The following WASHC2A variants were observed in gnomAD, a reference collection of about 807,000 sequenced individuals.
The protein encoded by WASHC2A is WASH complex subunit 2A, also known as WASH complex subunit FAM21A.
A neutral mutation model predicts 140.3 loss-of-function variants in WASHC2A; 82 were observed. That is an observed-to-expected ratio of 0.58 (90% CI 0.49 to 0.70). WASHC2A has a LOEUF of 0.70. WASHC2A is among the 30% of genes least tolerant of loss of function. The pLI is 0.00. For synonymous variants in WASHC2A, 340 were observed against 560.8 expected (o/e 0.61, Z 5.56); for missense variants, 985 against 1,521.8 (o/e 0.65, Z 5.87).
rs2132623611 is a variant in WASHC2A at position 50,095,638 on chromosome 10, T to C, written c.1280T>C (p.Met427Thr). Residue 427 changes from methionine to threonine, a missense_variant, in exon 15 of 31, where the codon ATG becomes ACG. Physicochemically the swap from Met to Thr is moderately conservative, Grantham distance 81 (BLOSUM62 -1). Transcript: ENST00000282633. Reference sequence around the variant, plus strand: ...TTTGGTGCTGCCTCCGTTCCATCAATGAAGGAGCCACAGAAGCCTGAGCAG... The same window carrying C: ...TTTGGTGCTGCCTCCGTTCCATCAACGAAGGAGCCACAGAAGCCTGAGCAG... ...DVFGAASVPS[M>T]KEPQKPEQPT... 6.2e-7 allele frequency: 1 copy of C among 1,611,768 alleles called. No individual in the cohort carries two copies. The highest frequency in any genetic ancestry group is 1.1e-5 in the South Asian group (1 of 90,966).
At chr10:50,095,240 A>G (rs1191179822) in intron 14 of WASHC2A, 33 bp downstream of exon 14, 45 of 1,480,192 alleles carry the variant, frequency 3.0e-5, no homozygotes, top group Middle Eastern at 4.8e-4. Flanking sequence ...TCTAAAAACT[A>G]CACAAATACT....
rs1843760259 is a variant in WASHC2A, at chr10:50,129,633, C to T, written c.3302C>T (p.Ala1101Val). ...STEEALAAAA[A>V]PWEGGPVPGV... ...GAGGAGGCCCTGGCAGCTGCCGCTG[C>T]ACCTTGGGAAGGTGGTCCTGTGCCT... The change falls in exon 29 of 31, where the codon GCA becomes GTA. Residue 1101 changes from alanine (A) to valine (V), a missense_variant. By Grantham distance (64) the Ala-to-Val change is moderately conservative. Transcript: ENST00000282633. The T allele has an allele frequency of 1.9e-6, 3 of 1,612,080 alleles. No individual in the cohort carries two copies. The highest frequency in any genetic ancestry group is 1.1e-5 in the South Asian group (1 of 90,998).
chr10:50,104,153 G>A lies in WASHC2A; in HGVS notation c.1737+10G>A. On this transcript the variant is annotated intron_variant, in intron 18 of 30. Transcript: ENST00000282633. The stretch of plus-strand genomic sequence containing the variant: ...TGATGAAGATGAAGAGGTAAACATT[G>A]TTATTGTAACACTAGATAATTTAGA... 2 of 1,511,402 alleles carry A rather than the reference G, an allele frequency of 1.3e-6. No individual in the cohort carries two copies. Among genetic ancestry groups the A allele is most frequent in the Non-Finnish European group, 1.8e-6 (2 of 1,094,584 alleles). The allele number at this position is 1,511,402 out of a possible 1,614,324, so 93.6% of individuals were successfully genotyped here.
intron 17 of WASHC2A, among the ~76,000 whole-genome samples, chr10:50,101,380 C>T (rs1260767981): frequency 6.6e-6 from 1 of 152,312 alleles, no homozygotes; most frequent in Admixed American, 6.5e-5. Flanking sequence ...TGATGAAATA[C>T]ACACAGCAGG....
rs1554889898 is a variant in WASHC2A at position 50,110,193 on chromosome 10, G to T, written c.1962G>T (p.Gln654His). 2 of 1,611,686 alleles carry T rather than the reference G, an allele frequency of 1.2e-6. No individual in the cohort carries two copies. The highest frequency in any genetic ancestry group is 2.7e-5 in the African/African-American group (2 of 74,770). Residue 654 changes from glutamine to histidine, a missense_variant, in exon 20 of 31, where the codon CAG becomes CAT. Transcript: ENST00000282633. ...EPRDSGTLQSQEAKAVKKTSL... is the reference protein window; with the variant it reads ...EPRDSGTLQSHEAKAVKKTSL... The stretch of plus-strand genomic sequence containing the variant: ...GGGATTCTGGGACCCTCCAGAGCCA[G>T]GAGGCCAAGGCTGTGAAAAAGACCA...
intron 3 of WASHC2A, among the ~76,000 whole-genome samples, chr10:50,075,957 C>T (rs1304635149): frequency 6.6e-6 from 1 of 151,582 alleles, no homozygotes; most frequent in Non-Finnish European, 1.5e-5. Flanking sequence ...TCTTGTTGCT[C>T]AGACTGGAGT....
In WASHC2A at chr10:50,126,156, A is replaced by C. The variant is rs782387405; in HGVS notation, c.2788A>C (p.Ile930Leu). Residue 930 changes from isoleucine (I) to leucine (L), a missense_variant, in exon 26 of 31, where the codon ATA becomes CTA. Physicochemically the swap from Ile to Leu is conservative, Grantham distance 5. Coordinates refer to ENST00000282633, the MANE Select transcript of WASHC2A (RefSeq NM_001005751.3). ...ESIQGSKEKG[I>L]WKPETPQDSS... ...CATTCAAGGTAGTAAAGAAAAAGGC[A>C]TATGGAAGCCGGAAACACCTCAGGT... The C allele has an allele frequency of 6.2e-7, 1 of 1,613,556 alleles. No individual in the cohort carries two copies. Among genetic ancestry groups the C allele is most frequent in the Non-Finnish European group, 8.5e-7 (1 of 1,179,744 alleles).
Position 50,068,000 on chromosome 10 carries a change from G to C in WASHC2A, c.-6G>C. The C allele has an allele frequency of 6.2e-7, 1 of 1,606,862 alleles. No individual in the cohort carries two copies. The highest frequency in any genetic ancestry group is 1.1e-5 in the South Asian group (1 of 90,512). On this transcript the variant is annotated 5_prime_UTR_variant, in exon 1 of 31. Coordinates refer to ENST00000282633, the MANE Select transcript of WASHC2A (RefSeq NM_001005751.3). Reference sequence around the variant, plus strand: ...GCTTCGGAGCCCACCGAGCCGGGCGGCTAGGATGGTGAGGGCGCCGGGCAG... The same window carrying C: ...GCTTCGGAGCCCACCGAGCCGGGCGCCTAGGATGGTGAGGGCGCCGGGCAG...
At chr10:50,110,878 G>A (rs1842228520) in intron 20 of WASHC2A, among the ~76,000 whole-genome samples, 1 of 121,188 alleles carries the variant, frequency 8.3e-6, no homozygotes, top group African/African-American at 3.3e-5. Context: ...GGGCAACGGA[G>A]CAAGACTCCA....
intron 9 of WASHC2A, 72 bp from the exon 10 acceptor site, chr10:50,091,359 T>A: frequency 6.6e-7 from 1 of 1,507,552 alleles, no homozygotes; most frequent in Non-Finnish European, 9.0e-7. Flanking sequence ...ATACATAATG[T>A]TGTTAGGTGT....
chr10:50,131,364 C>G (rs1843946811), intron 30 of WASHC2A: 9 of 604,400 alleles, frequency 1.5e-5, no homozygotes, highest in South Asian at 1.5e-4. Flanking sequence ...CTGTGACACA[C>G]CCCGGTGTTA....
intron 25 of WASHC2A, among the ~76,000 whole-genome samples, chr10:50,125,747 G>C (rs1843369776): frequency 6.6e-6 from 1 of 152,114 alleles, no homozygotes; most frequent in Non-Finnish European, 1.5e-5. Flanking sequence ...CATACACTGG[G>C]GTGACTAAAT....
At chr10:50,114,581 C>T (rs1434803494) in intron 21 of WASHC2A, among the ~76,000 whole-genome samples, 1 of 124,736 alleles carries the variant, frequency 8.0e-6, no homozygotes, top group Non-Finnish European at 1.7e-5. Flanking sequence ...TTAAACTTTA[C>T]AAAACAAGAA....
In WASHC2A at chr10:50,127,146, G is replaced by A; in HGVS notation, c.2812-14G>A. 1.2e-6 allele frequency: 2 copies of A among 1,612,066 alleles called. No homozygotes were observed. Among genetic ancestry groups the A allele is most frequent in the Non-Finnish European group, 1.7e-6 (2 of 1,179,872 alleles). On this transcript the variant is annotated splice_polypyrimidine_tract_variant and intron_variant, in intron 26 of 30. Coordinates refer to ENST00000282633, the MANE Select transcript of WASHC2A (RefSeq NM_001005751.3). ...TTCCCAAATGGATTTTTAACTGGAT[G>A]TAATTTTACACAGGACTCATCAGGT...
chr10:50,107,234 A>G (rs1841870158), intron 19 of WASHC2A, among the ~76,000 whole-genome samples: 1 of 97,610 alleles, frequency 1.0e-5, no homozygotes, highest in African/African-American at 3.7e-5. Flanking sequence ...CATATATACT[A>G]GTATCTTGTT....
chr10:50,083,554 CTTT>C (rs1206903936), intron 5 of WASHC2A, among the ~76,000 whole-genome samples: 2 of 83,694 alleles, frequency 2.4e-5, no homozygotes, highest in Admixed American at 1.1e-4. Context: ...ACTTTGGTAT[CTTT>C]TTTTTTTTTT....
At chr10:50,079,401 A>C (rs1838688352) in intron 4 of WASHC2A, among the ~76,000 whole-genome samples, 1 of 152,162 alleles carries the variant, frequency 6.6e-6, no homozygotes, top group Non-Finnish European at 1.5e-5. Flanking sequence ...TTATTTAAAA[A>C]AATTTTTTAT....
intron 8 of WASHC2A, among the ~76,000 whole-genome samples, chr10:50,088,234 G>C (rs1315573482): frequency 6.8e-6 from 1 of 146,192 alleles, no homozygotes; most frequent in Non-Finnish European, 1.5e-5. Flanking sequence ...TATTTCTAGA[G>C]TTGTATTTTT....
intron 18 of WASHC2A, among the ~76,000 whole-genome samples, 175 bp downstream of exon 18, chr10:50,104,318 A>G (rs1469449005): frequency 6.8e-6 from 1 of 147,898 alleles, no homozygotes; most frequent in Non-Finnish European, 1.5e-5. Context: ...TCTTCCTTAT[A>G]TTTTCCTAGC....
Sources: gnomAD v4.1 joint callset for allele counts (sites outside exome capture counted in the v4.1 genomes callset) on GRCh38, gnomAD v4.1.1 for gene constraint, MANE v1.5 for transcripts, NCBI Gene and HGNC (gene_info 2026-07-23, HGNC 2026-07-21) for gene names.